Variants in WWP2 observed in about 807,000 individuals in gnomAD.
WWP2 encodes NEDD4-like E3 ubiquitin-protein ligase WWP2.
Under a neutral mutation model 121.0 loss-of-function variants are expected in WWP2, and 57 were observed. The ratio of observed to expected loss-of-function variants is 0.47; its 90% CI spans 0.38 to 0.59. WWP2 has a LOEUF of 0.59. Among genes scored for constraint, WWP2 ranks in the 20% least tolerant of loss-of-function variants. The probability of loss-of-function intolerance (pLI) is 0.00; values close to 1 mark genes in which losing one functional copy is unlikely to be tolerated. For synonymous variants in WWP2, 449 were observed against 441.3 expected (o/e 1.02, Z -0.22); for missense variants, 962 against 1,158.9 (o/e 0.83, Z 2.47).
chr16:69,856,444 T>A (rs1485222544), intron 6 of WWP2, among the ~76,000 whole-genome samples: 3 of 152,128 alleles, frequency 2.0e-5, no homozygotes, highest in Non-Finnish European at 4.4e-5. Flanking sequence ...TAAATTTTAC[T>A]CTATGTAAAT....
intron 4 of WWP2, among the ~76,000 whole-genome samples, chr16:69,827,216 T>A (rs530448149): frequency 6.6e-6 from 1 of 152,180 alleles, no homozygotes; most frequent in South Asian, 2.1e-4. Context: ...TGTTTCATAA[T>A]CTTACTGCTC....
chr16:69,846,678 G>A (rs1015818037), intron 6 of WWP2, among the ~76,000 whole-genome samples: 4 of 151,372 alleles, frequency 2.6e-5, no homozygotes, highest in South Asian at 2.1e-4. Context: ...CCGAGATTGC[G>A]CCACTGCACT....
In WWP2 at chr16:69,936,304, G is replaced by A. The variant is rs2151998190; in HGVS notation, c.1977-8G>A. The A allele has an allele frequency of 6.2e-7, 1 of 1,614,046 alleles. No individual in the cohort carries two copies. Among genetic ancestry groups the A allele is most frequent in the East Asian group, 2.2e-5 (1 of 44,876 alleles). ...GACATCTCCCCACTTGGTCTCCTGT[G>A]CCCCCAGAGAGAACAACCTGGAAGA... On this transcript the variant is annotated splice_polypyrimidine_tract_variant and splice_region_variant and intron_variant, in intron 18 of 23. Transcript: ENST00000359154.
At chr16:69,770,489 A>G (rs898159409) in intron 1 of WWP2, among the ~76,000 whole-genome samples, 2 of 152,162 alleles carry the variant, frequency 1.3e-5, no homozygotes, top group South Asian at 2.1e-4. Context: ...CCCTTCTCAC[A>G]TGCCTCGCCC....
chr16:69,832,287 ACGGGCC>A (rs1258511627), intron 4 of WWP2, among the ~76,000 whole-genome samples: 12 of 152,230 alleles, frequency 7.9e-5, no homozygotes, highest in African/African-American at 2.9e-4. Context: ...GCCATCTATG[ACGGGCC>A]ATTCCTGTCT....
At chr16:69,794,631 A>G (rs2055988648) in intron 2 of WWP2, among the ~76,000 whole-genome samples, 1 of 152,264 alleles carries the variant, frequency 6.6e-6, no homozygotes, top group Admixed American at 6.5e-5. Flanking sequence ...AGATGGAATC[A>G]ACTATGTCCG....
intron 2 of WWP2, among the ~76,000 whole-genome samples, 155 bp downstream of exon 2, chr16:69,787,235 TGAA>T (rs1361485002): frequency 6.6e-6 from 1 of 152,218 alleles, no homozygotes; most frequent in Non-Finnish European, 1.5e-5. Context: ...CTGTAATTCT[TGAA>T]GAAGAAAGAA....
chr16:69,805,770 AT>A (rs200042965), intron 4 of WWP2, among the ~76,000 whole-genome samples: 11 of 139,182 alleles, frequency 7.9e-5, no homozygotes, highest in East Asian at 6.3e-4. Flanking sequence ...TACTAATTTA[AT>A]TTTTTTTCTT....
At chr16:69,783,678 G>C (rs1002229521) in intron 1 of WWP2, among the ~76,000 whole-genome samples, 4 of 152,104 alleles carry the variant, frequency 2.6e-5, no homozygotes, top group African/African-American at 4.8e-5. Context: ...AGGCTTGGTG[G>C]CTCATGCTTG....
chr16:69,892,945 A>G (rs750011355), intron 8 of WWP2, among the ~76,000 whole-genome samples: 54 of 152,222 alleles, frequency 3.5e-4, no homozygotes, highest in Non-Finnish European at 1.5e-4. Flanking sequence ...AATAAGGCCT[A>G]AAAAGGCCTG....
chr16:69,867,230 G>A (rs2057543437), intron 6 of WWP2, among the ~76,000 whole-genome samples: 1 of 151,520 alleles, frequency 6.6e-6, no homozygotes, highest in African/African-American at 2.4e-5. Flanking sequence ...AATGGTCAGC[G>A]AGGCTGCACT....
intron 6 of WWP2, among the ~76,000 whole-genome samples, chr16:69,852,610 A>G (rs574980482): frequency 1.2e-3 from 186 of 152,158 alleles, no homozygotes; most frequent in Non-Finnish European, 2.0e-3. Context: ...CTTATATTCC[A>G]TCTGTATATC....
At chr16:69,901,439 G>A (rs1307079662) in intron 8 of WWP2, among the ~76,000 whole-genome samples, 2 of 152,134 alleles carry the variant, frequency 1.3e-5, no homozygotes, top group Non-Finnish European at 2.9e-5. Context: ...CTGAGATGGA[G>A]TCTTGCTCTG....
chr16:69,821,905 T>C (rs535578777), intron 4 of WWP2, among the ~76,000 whole-genome samples: 2 of 152,088 alleles, frequency 1.3e-5, no homozygotes, highest in East Asian at 3.9e-4. Flanking sequence ...AGGGTCTTAC[T>C]CTGTCACCCT....
At chr16:69,812,439 A>G (rs1487220331) in intron 4 of WWP2, among the ~76,000 whole-genome samples, 6 of 148,496 alleles carry the variant, frequency 4.0e-5, no homozygotes, top group Non-Finnish European at 7.4e-5. Context: ...TGCTAAGATC[A>G]CAGGCATGAG....
At chr16:69,824,794 A>C in intron 4 of WWP2, among the ~76,000 whole-genome samples, 1 of 122,004 alleles carries the variant, frequency 8.2e-6, no homozygotes, top group Non-Finnish European at 1.6e-5. Context: ...TTTTTGAGAC[A>C]GAGTTTTACT....
chr16:69,795,071 A>C (rs896906631), intron 2 of WWP2, among the ~76,000 whole-genome samples: 36 of 151,922 alleles, frequency 2.4e-4, no homozygotes, highest in Non-Finnish European at 4.0e-4. Flanking sequence ...CCGTCTCTAC[A>C]AAAAAAATTA....
At chr16:69,862,762 C>G (rs1555497367) in intron 6 of WWP2, among the ~76,000 whole-genome samples, 1 of 142,730 alleles carries the variant, frequency 7.0e-6, no homozygotes, top group Non-Finnish European at 1.5e-5. Context: ...CTCTATTGCC[C>G]AGGATAGAGT....
intron 10 of WWP2, among the ~76,000 whole-genome samples, chr16:69,920,105 C>T (rs1176438332): frequency 1.3e-5 from 2 of 152,064 alleles, no homozygotes; most frequent in Non-Finnish European, 2.9e-5. Context: ...GATGGACCCC[C>T]GACTTTTAAT....
Sources: gnomAD v4.1 joint callset for allele counts (sites outside exome capture counted in the v4.1 genomes callset) on GRCh38, gnomAD v4.1.1 for gene constraint, MANE v1.5 for transcripts, NCBI Gene and HGNC (gene_info 2026-07-23, HGNC 2026-07-21) for gene names.